RBFOX1: variants seen among roughly 807,000 people sequenced by gnomAD.
RBFOX1 encodes the protein RNA binding protein fox-1 homolog 1.
In RBFOX1, 8 loss-of-function variants were observed where a neutral mutation model predicts 57.7. The observed-to-expected ratio is 0.14, with a 90% CI of 0.08 to 0.25. The LOEUF is 0.25. Ranked by LOEUF, RBFOX1 falls within the 10% of genes least tolerant of loss-of-function variation. The pLI, the probability that RBFOX1 is intolerant of heterozygous loss-of-function variation, is 1.00. For synonymous variants in RBFOX1, 326 were observed against 222.4 expected, an observed-to-expected ratio of 1.47 and a Z score of -4.15; for missense variants, 611 against 548.5, an observed-to-expected ratio of 1.11 and a Z score of -1.14.
intron 1 of RBFOX1, among the ~76,000 whole-genome samples, chr16:5,420,085 T>C (rs2067270941): frequency 6.6e-6 from 1 of 152,002 alleles, no homozygotes; most frequent in South Asian, 2.1e-4. Flanking sequence ...AGCAGACGGG[T>C]GCTGTTTCAA....
At chr16:5,703,151 C>G (rs745319562) in intron 3 of RBFOX1, among the ~76,000 whole-genome samples, 8 of 152,128 alleles carry the variant, frequency 5.3e-5, no homozygotes, top group Non-Finnish European at 1.2e-4. Flanking sequence ...AGATATGGAG[C>G]AAATGATCCT....
chr16:5,788,871 C>T (rs1470785703), intron 3 of RBFOX1, among the ~76,000 whole-genome samples: 1 of 152,088 alleles, frequency 6.6e-6, no homozygotes, highest in East Asian at 1.9e-4. Context: ...GCAATTCAGA[C>T]CTGTGAAAAG....
intron 4 of RBFOX1, among the ~76,000 whole-genome samples, chr16:5,959,008 G>A (rs1051219594): frequency 6.6e-6 from 1 of 152,208 alleles, no homozygotes; most frequent in Non-Finnish European, 1.5e-5. Flanking sequence ...GGATTAGGAT[G>A]TGAACATCTT....
intron 1 of RBFOX1, among the ~76,000 whole-genome samples, chr16:6,125,563 C>T (rs933092508): frequency 2.6e-5 from 4 of 152,166 alleles, no homozygotes; most frequent in African/African-American, 9.7e-5. Context: ...CTGGAGTGCA[C>T]TTCTCATTGG....
At chr16:6,930,917 G>A (rs1597544590) in intron 3 of RBFOX1, among the ~76,000 whole-genome samples, 1 of 151,536 alleles carries the variant, frequency 6.6e-6, no homozygotes, top group Non-Finnish European at 1.5e-5. Flanking sequence ...AGTCTTCTGT[G>A]TATTTGTATG....
chr16:6,397,889 A>T (rs1211199601), intron 2 of RBFOX1, among the ~76,000 whole-genome samples: 4 of 152,234 alleles, frequency 2.6e-5, no homozygotes, highest in African/African-American at 9.6e-5. Flanking sequence ...AGTGAGAAAG[A>T]TACGGAAGGA....
chr16:7,673,019 C>T (rs1290806574), intron 13 of RBFOX1, among the ~76,000 whole-genome samples: 2 of 151,778 alleles, frequency 1.3e-5, no homozygotes. Flanking sequence ...GAGACTTGAC[C>T]CTTGCATATT....
chr16:5,843,051 A>T (rs903983852), intron 3 of RBFOX1, among the ~76,000 whole-genome samples: 4 of 151,560 alleles, frequency 2.6e-5, no homozygotes, highest in East Asian at 3.9e-4. Context: ...CTGGTCTCGA[A>T]CTCCTGACCT....
intron 3 of RBFOX1, among the ~76,000 whole-genome samples, chr16:6,750,048 T>C (rs903286512): frequency 2.0e-5 from 3 of 152,164 alleles, no homozygotes; most frequent in Non-Finnish European, 4.4e-5. Flanking sequence ...TTGATGTAGC[T>C]ATCAACTAGG....
intron 4 of RBFOX1, among the ~76,000 whole-genome samples, chr16:7,189,425 CAAAAAAAAA>C (rs1159617665): frequency 2.2e-4 from 15 of 67,618 alleles, no homozygotes; most frequent in South Asian, 7.2e-4. Context: ...GACTCCCTCT[CAAAAAAAAA>C]AAAAAAAAAA....
intron 4 of RBFOX1, among the ~76,000 whole-genome samples, chr16:7,468,779 T>C (rs2060998891): frequency 6.6e-6 from 1 of 152,130 alleles, no homozygotes; most frequent in Non-Finnish European, 1.5e-5. Context: ...TCACCCTTGT[T>C]TCTCCAAGCA....
Position 5,436,092 on chromosome 16 carries a change from A to G in RBFOX1, c.220-31124A>G, listed in dbSNP as rs780951818. 5.5e-4 allele frequency among the ~76,000 whole-genome samples: 84 copies of G among 152,322 alleles called. 1 individual carries two copies. Among genetic ancestry groups the G allele is most frequent in the Non-Finnish European group, 3.2e-4 (22 of 68,018 alleles). On this transcript the variant is annotated intron_variant, in intron 1 of 2. Coordinates refer to the RBFOX1 transcript ENST00000585867. ...CATATTTGGCCTCCCAGTGGGAGCA[A>G]TCCAGGAGGGGAGGGGGCAGTCCTA... is the stretch of plus-strand genomic sequence containing the variant.
intron 4 of RBFOX1, among the ~76,000 whole-genome samples, chr16:7,342,615 G>C (rs1568311252): frequency 6.6e-6 from 1 of 152,168 alleles, no homozygotes; most frequent in Non-Finnish European, 1.5e-5. Flanking sequence ...CCCATTCTTG[G>C]TGGAGATTCC....
chr16:7,109,553 G>T (rs533469359), intron 4 of RBFOX1, among the ~76,000 whole-genome samples: 14 of 152,122 alleles, frequency 9.2e-5, no homozygotes, highest in African/African-American at 4.8e-5. Context: ...GGTCTCTGCA[G>T]TTGGAAGCTG....
chr16:6,971,256 C>A (rs1446240407), intron 3 of RBFOX1, among the ~76,000 whole-genome samples: 3 of 152,106 alleles, frequency 2.0e-5, no homozygotes, highest in Non-Finnish European at 4.4e-5. Context: ...GGATGGGATT[C>A]TTCTGGAACA....
chr16:5,289,303 G>C (rs1280499729), intron 1 of RBFOX1: 1 of 426,258 alleles, frequency 2.3e-6, no homozygotes, highest in Admixed American at 2.8e-5. Context: ...GCCTCCCATG[G>C]TCAGCCTCAT....
At chr16:5,763,426 C>T (rs1240375721) in intron 3 of RBFOX1, among the ~76,000 whole-genome samples, 5 of 152,188 alleles carry the variant, frequency 3.3e-5, no homozygotes, top group African/African-American at 2.4e-5. Flanking sequence ...AGACAGCCTG[C>T]GCCCATGTCT....
At chr16:7,002,976 A>G (rs987829981) in intron 3 of RBFOX1, among the ~76,000 whole-genome samples, 1 of 152,028 alleles carries the variant, frequency 6.6e-6, no homozygotes, top group African/African-American at 2.4e-5. Context: ...ACATTTTATT[A>G]CAGTTATTTT....
chr16:7,299,744 A>G lies in RBFOX1; in HGVS notation c.28-218403A>G, dbSNP rs1455690951. Among the ~76,000 whole-genome samples the G allele has an allele frequency of 2.6e-5, 4 of 152,206 alleles. No individual in the cohort carries two copies. In the South Asian group the frequency reaches 8.3e-4, roughly 32 times the overall value. On this transcript the variant is annotated intron_variant, in intron 4 of 15. Coordinates refer to ENST00000550418, the MANE Select transcript of RBFOX1 (RefSeq NM_018723.4). ...AGAGGCCAACAGGCCAGCTTAATGT[A>G]TACATTAGAAGTGCCAAACTTCTCA...
Sources: gnomAD v4.1 joint callset for allele counts (sites outside exome capture counted in the v4.1 genomes callset) on GRCh38, gnomAD v4.1.1 for gene constraint, MANE v1.5 for transcripts, NCBI Gene and HGNC (gene_info 2026-07-23, HGNC 2026-07-21) for gene names.